CHKA: variants seen among roughly 807,000 people sequenced by gnomAD.
The protein encoded by CHKA is choline kinase alpha, also known as CHETK-alpha.
In CHKA, 34 loss-of-function variants were observed where a neutral mutation model predicts 60.1. The observed-to-expected ratio is 0.57, with a 90% CI of 0.43 to 0.75. The LOEUF is 0.75. Ranked by LOEUF, CHKA falls within the 30% of genes least tolerant of loss-of-function variation. The pLI, the probability that CHKA is intolerant of heterozygous loss-of-function variation, is 0.00. For missense variants in CHKA, 563 were observed against 561.3 expected, an observed-to-expected ratio of 1.00 and a Z score of -0.03; for synonymous variants, 217 against 223.1, an observed-to-expected ratio of 0.97 and a Z score of 0.24.
In CHKA at chr11:68,066,483, G is replaced by C; in HGVS notation, c.962C>G (p.Ser321Cys). 1 of 1,614,122 alleles carries C rather than the reference G, an allele frequency of 6.2e-7. No homozygotes were observed. The highest frequency in any genetic ancestry group is 8.5e-7 in the Non-Finnish European group (1 of 1,179,970). The change falls in exon 8 of 12, where the codon TCT (serine) becomes TGT (cysteine). Residue 321 changes from serine to cysteine, a missense_variant. By Grantham distance (112) the Ser-to-Cys change is moderately radical (BLOSUM62 -1). Transcript: ENST00000265689. ...NILLLEGRENSEKQKLMLIDF... is the reference protein window; with the variant it reads ...NILLLEGRENCEKQKLMLIDF... ...AATGAGCATCAGTTTCTGTTTTTCA[G>C]AATTCTCTCGGCCTTCCAGCAACAA...
At chr11:68,064,172 C>T (rs751893460) in intron 10 of CHKA, among the ~76,000 whole-genome samples, 11 of 152,140 alleles carry the variant, frequency 7.2e-5, no homozygotes, top group Non-Finnish European at 1.5e-4. Flanking sequence ...ATGGGAAGGC[C>T]GAGCTGGGTG....
intron 1 of CHKA, among the ~76,000 whole-genome samples, chr11:68,107,519 T>C (rs918799473): frequency 6.6e-6 from 1 of 152,028 alleles, no homozygotes; most frequent in Non-Finnish European, 1.5e-5. Flanking sequence ...TCTTCCTCGT[T>C]TCCAATGGCC....
At chr11:68,080,343 AT>A (rs1426528412) in intron 3 of CHKA, among the ~76,000 whole-genome samples, 1 of 151,172 alleles carries the variant, frequency 6.6e-6, no homozygotes, top group African/African-American at 2.4e-5. Flanking sequence ...CTATTTCTTG[AT>A]TTTTTTCTTT....
intron 1 of CHKA, 99 bp from the exon 2 acceptor site, chr11:68,097,229 T>C (rs1857544061): frequency 1.1e-5 from 8 of 743,868 alleles, no homozygotes; most frequent in Non-Finnish European, 1.8e-5. Context: ...ACACAAGAAC[T>C]GTTCTCATCT....
At chr11:68,066,400 G>A (rs1267648626) in intron 8 of CHKA, 29 bp downstream of exon 8, 4 of 1,499,992 alleles carry the variant, frequency 2.7e-6, no homozygotes, top group Non-Finnish European at 3.7e-6. Flanking sequence ...TCAATATTGA[G>A]ATGGAAACAC....
chr11:68,113,723 G>C (rs938902916), intron 1 of CHKA, among the ~76,000 whole-genome samples: 1 of 151,712 alleles, frequency 6.6e-6, no homozygotes, highest in Non-Finnish European at 1.5e-5. Flanking sequence ...AGCCAGGCGC[G>C]ATGGCTCATG....
At chr11:68,120,509 A>T (rs1368665526) in intron 1 of CHKA, among the ~76,000 whole-genome samples, 1 of 152,252 alleles carries the variant, frequency 6.6e-6, no homozygotes, top group Non-Finnish European at 1.5e-5. Context: ...ACCTATCTTA[A>T]GCGTCAGTAC....
At chr11:68,083,121 G>A (rs139065271) in intron 2 of CHKA, among the ~76,000 whole-genome samples, 4 of 152,270 alleles carry the variant, frequency 2.6e-5, no homozygotes, top group Middle Eastern at 3.4e-3. Context: ...ATTGATGTTA[G>A]TCTTCTCCCA....
Position 68,070,846 on chromosome 11 carries a change from T to TA in CHKA, c.641dup (p.Leu214PhefsTer4). ...CTGGCAAACTTAATTCTTCAGTATC[T>TA]AATCGCCGGCTCTGAAAAAGAAAAG... On this transcript the variant is annotated frameshift_variant, in exon 5 of 12. Transcript: ENST00000265689. LOFTEE classifies it high-confidence loss of function. 2.5e-6 allele frequency: 4 copies of TA among 1,609,072 alleles called. No individual in the cohort carries two copies. The highest frequency in any genetic ancestry group is 3.4e-6 in the Non-Finnish European group (4 of 1,176,536).
intron 1 of CHKA, among the ~76,000 whole-genome samples, chr11:68,107,886 G>C (rs1857974171): frequency 6.6e-6 from 1 of 152,138 alleles, no homozygotes; most frequent in Non-Finnish European, 1.5e-5. Context: ...TCGACAAAAA[G>C]AGTACTAGGC....
At chr11:68,104,908 C>G (rs1704243451) in intron 1 of CHKA, among the ~76,000 whole-genome samples, 2 of 150,588 alleles carry the variant, frequency 1.3e-5, no homozygotes, top group South Asian at 2.1e-4. Flanking sequence ...AGTTCAAGAC[C>G]AGCCTGATCA....
intron 6 of CHKA, 69 bp downstream of exon 6, chr11:68,070,120 T>G (rs1208991959): frequency 8.9e-7 from 1 of 1,129,800 alleles, no homozygotes; most frequent in African/African-American, 1.5e-5. Context: ...GCAAGCTCAA[T>G]CAATGTTTAC....
chr11:68,053,830 T>C lies in CHKA; in HGVS notation c.*158A>G. 1 of 537,266 alleles carries C rather than the reference T, an allele frequency of 1.9e-6. No individual in the cohort carries two copies. The highest frequency in any genetic ancestry group is 3.4e-6 in the Non-Finnish European group (1 of 297,916). The allele number at this position is 537,266 out of a possible 1,614,324, so 33.3% of individuals were successfully genotyped here. A position where few individuals can be genotyped will look rare whatever the true frequency, so the allele number is the denominator to read the frequency against. On this transcript the variant is annotated 3_prime_UTR_variant, in exon 12 of 12. Coordinates refer to ENST00000265689, the MANE Select transcript of CHKA (RefSeq NM_001277.3). ...AAACAAGAGATGAAATAAACGTCGC[T>C]CCATTTTAATACCGTCTTTAGTATC...
At chr11:68,086,985 CAAA>C (rs11311764) in intron 2 of CHKA, among the ~76,000 whole-genome samples, 1 of 149,456 alleles carries the variant, frequency 6.7e-6, no homozygotes, top group Non-Finnish European at 1.5e-5. Context: ...GACTCCGTCT[CAAA>C]AAAAAAAAAT....
chr11:68,113,281 T>C (rs1244828010), intron 1 of CHKA, among the ~76,000 whole-genome samples: 1 of 151,484 alleles, frequency 6.6e-6, no homozygotes, highest in Non-Finnish European at 1.5e-5. Context: ...CCCAGTTTCT[T>C]AAAAAAATAA....
chr11:68,091,328 T>C (rs931930988), intron 2 of CHKA, among the ~76,000 whole-genome samples: 1 of 152,236 alleles, frequency 6.6e-6, no homozygotes, highest in Non-Finnish European at 1.5e-5. Flanking sequence ...AGACAGTCTA[T>C]GTAAAACAGA....
chr11:68,084,560 C>T (rs186780828), intron 2 of CHKA, among the ~76,000 whole-genome samples: 1 of 150,664 alleles, frequency 6.6e-6, no homozygotes, highest in East Asian at 1.9e-4. Context: ...CAACTTTTCT[C>T]TAACAAGTTA....
chr11:68,100,754 A>T (rs1857683793), intron 1 of CHKA, among the ~76,000 whole-genome samples: 1 of 151,712 alleles, frequency 6.6e-6, no homozygotes, highest in Non-Finnish European at 1.5e-5. Context: ...ATACAGTGAC[A>T]ATAACACACT....
At chr11:68,057,854 A>G (rs1206627427) in intron 11 of CHKA, among the ~76,000 whole-genome samples, 1 of 152,138 alleles carries the variant, frequency 6.6e-6, no homozygotes, top group Non-Finnish European at 1.5e-5. Context: ...ATACACATGG[A>G]TCAATTTCTG....
Sources: gnomAD v4.1 joint callset for allele counts (sites outside exome capture counted in the v4.1 genomes callset) on GRCh38, gnomAD v4.1.1 for gene constraint, MANE v1.5 for transcripts, NCBI Gene and HGNC (gene_info 2026-07-23, HGNC 2026-07-21) for gene names.